Variants in DMRT1 observed in about 807,000 individuals in gnomAD.
DMRT1 encodes the protein doublesex and mab-3 related transcription factor 1, also known as doublesex- and mab-3-related transcription factor 1.
DMRT1 carries 7 observed loss-of-function variants against 32.3 expected under a neutral mutation model. That is an observed-to-expected ratio of 0.22 (90% confidence interval 0.12 to 0.41). The LOEUF (loss-of-function observed/expected upper bound fraction) is 0.41, where lower values mean the gene tolerates loss of function less well. Among genes scored for constraint, DMRT1 ranks in the 10% least tolerant of loss-of-function variants. The probability of loss-of-function intolerance (pLI) is 1.00; values close to 1 mark genes in which losing one functional copy is unlikely to be tolerated. For missense variants in DMRT1, 625 were observed against 500.5 expected (o/e 1.25, Z -2.37); for synonymous variants, 278 against 206.1 (o/e 1.35, Z -2.99).
chr9:869,240 C>G (rs1816126144), intron 2 of DMRT1, among the ~76,000 whole-genome samples: 2 of 152,164 alleles, frequency 1.3e-5, no homozygotes, highest in African/African-American at 4.8e-5. Context: ...TCTTCCTCCC[C>G]TTTCCCTATG....
chr9:879,297 G>GA (rs914052451), intron 2 of DMRT1, among the ~76,000 whole-genome samples: 3 of 150,434 alleles, frequency 2.0e-5, no homozygotes, highest in South Asian at 4.2e-4. Flanking sequence ...ATTGAGAAAT[G>GA]AAAAAAAAAT....
In DMRT1 at chr9:847,093, G is replaced by C. The variant is rs1298787594; in HGVS notation, c.488G>C (p.Ser163Thr). ...GSNPCLMTEC[S>T]GTSQPPPASV... Reference sequence around the variant, plus strand: ...AACCCGTGCCTCATGACTGAGTGCAGTGGCACCTCTCAGCCACCGCCGGCC... The same window carrying C: ...AACCCGTGCCTCATGACTGAGTGCACTGGCACCTCTCAGCCACCGCCGGCC... Residue 163 changes from serine (S) to threonine (T), a missense_variant, in exon 2 of 5, where the codon AGT becomes ACT. Transcript: ENST00000382276. 5.0e-6 allele frequency: 8 copies of C among 1,613,734 alleles called. No individual in the cohort carries two copies. Among genetic ancestry groups the C allele is most frequent in the Admixed American group, 1.7e-5 (1 of 60,004 alleles).
intron 2 of DMRT1, among the ~76,000 whole-genome samples, chr9:858,897 ATCATTG>A (rs1233779131): frequency 1.3e-5 from 2 of 149,620 alleles, no homozygotes; most frequent in East Asian, 3.9e-4. Context: ...ATATATATTT[ATCATTG>A]TAACCATTTT....
chr9:944,274 G>C (rs1819170927), intron 4 of DMRT1, among the ~76,000 whole-genome samples: 4 of 152,176 alleles, frequency 2.6e-5, no homozygotes, highest in Admixed American at 2.6e-4. Context: ...GTGTGTTCCT[G>C]ATTTTGAACC....
chr9:960,548 T>C (rs1184632126), intron 4 of DMRT1, among the ~76,000 whole-genome samples: 6 of 152,186 alleles, frequency 3.9e-5, no homozygotes, highest in African/African-American at 1.2e-4. Flanking sequence ...TTGTGAGATA[T>C]TTATTACCTT....
At chr9:847,169 A>G (rs375565634) in intron 2 of DMRT1, 26 bp downstream of exon 2, 9 of 1,609,428 alleles carry the variant, frequency 5.6e-6, no homozygotes, top group Non-Finnish European at 7.6e-6. Flanking sequence ...TGGGGTTCAC[A>G]TGGAGGCTGG....
chr9:884,256 C>G (rs537090627), intron 2 of DMRT1, among the ~76,000 whole-genome samples: 2 of 151,928 alleles, frequency 1.3e-5, no homozygotes, highest in East Asian at 3.9e-4. Context: ...ATTAATATGT[C>G]ATGGGCCCAG....
rs186595063 is a variant in DMRT1 at position 930,629 on chromosome 9, C to T, written c.967+13722C>T. 3.4e-3 allele frequency among the ~76,000 whole-genome samples: 513 copies of T among 152,050 alleles called. 1 individual carries two copies. The highest frequency in any genetic ancestry group is 0.011 in the African/African-American group (476 of 41,476). On this transcript the variant is annotated intron_variant, in intron 4 of 4. Coordinates refer to ENST00000382276, the MANE Select transcript of DMRT1 (RefSeq NM_021951.3). ...TTCACCATGTTAGCCAGGATGGTCTCGATCTCCTGACCTCGTGATCTGCCT... is the reference window on the plus strand; with the variant it reads ...TTCACCATGTTAGCCAGGATGGTCTTGATCTCCTGACCTCGTGATCTGCCT...
chr9:874,951 GT>G (rs200229321), intron 2 of DMRT1, among the ~76,000 whole-genome samples: 1,924 of 151,772 alleles, frequency 0.013, 21 homozygotes, highest in Non-Finnish European at 0.018. Flanking sequence ...GGGACTACGG[GT>G]GCCCGCCACC....
At chr9:858,756 C>T (rs989202653) in intron 2 of DMRT1, among the ~76,000 whole-genome samples, 1 of 151,380 alleles carries the variant, frequency 6.6e-6, no homozygotes, top group African/African-American at 2.4e-5. Flanking sequence ...TGCCAGTAAT[C>T]CCAACTACTT....
At chr9:871,314 G>C (rs1232058789) in intron 2 of DMRT1, among the ~76,000 whole-genome samples, 2 of 145,366 alleles carry the variant, frequency 1.4e-5, no homozygotes, top group Non-Finnish European at 3.0e-5. Flanking sequence ...GGCATGAACC[G>C]GTAGCCCGGC....
At position 902,296 on chromosome 9, in the gene DMRT1, A is replaced by T. The variant is rs997690978; in HGVS notation, c.822+8101A>T. ...TCTTATTCAGCAATGTAAAAAGTTG[A>T]TACCCGTTGTCTCTCGCCTCCTTCC... On this transcript the variant is annotated intron_variant, in intron 3 of 4. Transcript: ENST00000382276. 2.6e-5 allele frequency among the ~76,000 whole-genome samples: 4 copies of T among 151,724 alleles called. No homozygotes were observed. The South Asian group carries it at 8.4e-4, about 32-fold the overall frequency.
At chr9:905,007 C>T (rs1014232010) in intron 3 of DMRT1, among the ~76,000 whole-genome samples, 1 of 151,652 alleles carries the variant, frequency 6.6e-6, no homozygotes, top group Non-Finnish European at 1.5e-5. Flanking sequence ...CCGGGGAGAA[C>T]TGTGATGCCT....
intron 2 of DMRT1, among the ~76,000 whole-genome samples, chr9:848,516 T>C (rs2132546515): frequency 1.3e-5 from 2 of 151,846 alleles, no homozygotes; most frequent in Middle Eastern, 3.4e-3. Flanking sequence ...GCTCATAGTA[T>C]GTCCTTATAA....
Position 901,674 on chromosome 9 carries a change from T to G in DMRT1, c.822+7479T>G, listed in dbSNP as rs140088195. On this transcript the variant is annotated intron_variant, in intron 3 of 4. Coordinates refer to ENST00000382276, the MANE Select transcript of DMRT1 (RefSeq NM_021951.3). ...AGTAGGAGACTTCACATGAGTTTTT[T>G]TTTTTGCCACTGAGCTCCACGGTCA... 1.2e-3 allele frequency among the ~76,000 whole-genome samples: 182 copies of G among 151,962 alleles called. 1 individual carries two copies. Among genetic ancestry groups the G allele is most frequent in the African/African-American group, 4.1e-3 (169 of 41,480 alleles).
chr9:896,917 A>G (rs1337385268), intron 3 of DMRT1, among the ~76,000 whole-genome samples: 2 of 152,034 alleles, frequency 1.3e-5, no homozygotes, highest in Admixed American at 6.6e-5. Flanking sequence ...TTTTTCAGGT[A>G]TTAAAATGTT....
chr9:949,490 C>T (rs1425061815), intron 4 of DMRT1, among the ~76,000 whole-genome samples: 5 of 152,170 alleles, frequency 3.3e-5, no homozygotes, highest in Admixed American at 6.5e-5. Flanking sequence ...ACCCGTGACA[C>T]GATCACCACA....
chr9:949,815 T>G lies in DMRT1; in HGVS notation c.968-18170T>G, dbSNP rs77800449. On this transcript the variant is annotated intron_variant, in intron 4 of 4. Transcript: ENST00000382276. The stretch of plus-strand genomic sequence containing the variant: ...CATGTAAGTGGAAATCACAGAGTAC[T>G]TGTCCTTCCGTGTCTGGCTTATTTC... Among the ~76,000 whole-genome samples the G allele has an allele frequency of 1.4e-3, 217 of 152,364 alleles. 1 individual carries two copies. The highest frequency in any genetic ancestry group is 4.8e-3 in the African/African-American group (200 of 41,584).
At chr9:910,208 G>A (rs1427036711) in intron 3 of DMRT1, among the ~76,000 whole-genome samples, 7 of 151,586 alleles carry the variant, frequency 4.6e-5, no homozygotes, top group African/African-American at 1.7e-4. Context: ...GAAGAATCAA[G>A]ATACCTAAAT....
Sources: gnomAD v4.1 joint callset for allele counts (sites outside exome capture counted in the v4.1 genomes callset) on GRCh38, gnomAD v4.1.1 for gene constraint, MANE v1.5 for transcripts, NCBI Gene and HGNC (gene_info 2026-07-23, HGNC 2026-07-21) for gene names.